Variants in OXSR1 observed in about 807,000 individuals in gnomAD.
The protein encoded by OXSR1 is oxidative stress responsive kinase 1, also known as serine/threonine-protein kinase OSR1.
A neutral mutation model predicts 79.8 loss-of-function variants in OXSR1; 24 were observed. That is an observed-to-expected ratio of 0.30 (90% CI 0.22 to 0.42). The LOEUF is 0.42. Ranked by LOEUF, OXSR1 falls within the 10% of genes least tolerant of loss-of-function variation. The pLI is 1.00. For missense variants in OXSR1, 430 were observed against 618.4 expected (o/e 0.70, Z 3.23); for synonymous variants, 226 against 209.2 (o/e 1.08, Z -0.69).
intron 2 of OXSR1, among the ~76,000 whole-genome samples, chr3:38,187,070 A>T (rs755533703): frequency 6.6e-6 from 1 of 152,208 alleles, no homozygotes; most frequent in Admixed American, 6.5e-5. Context: ...AGTGGCAAAG[A>T]GACTAGTTGG....
intron 1 of OXSR1, among the ~76,000 whole-genome samples, chr3:38,182,678 C>A (rs1018844926): frequency 6.6e-6 from 1 of 152,088 alleles, no homozygotes; most frequent in Non-Finnish European, 1.5e-5. Context: ...TCAGAGCCCT[C>A]TTATGATTGT....
intron 3 of OXSR1, among the ~76,000 whole-genome samples, chr3:38,193,632 A>C (rs1387802332): frequency 7.8e-6 from 1 of 128,710 alleles, no homozygotes; most frequent in Non-Finnish European, 1.7e-5. Flanking sequence ...TTTTTTTTTT[A>C]AGAATTCCTG....
At chr3:38,171,320 A>C (rs1041796789) in intron 1 of OXSR1, among the ~76,000 whole-genome samples, 1 of 152,262 alleles carries the variant, frequency 6.6e-6, no homozygotes, top group African/African-American at 2.4e-5. Flanking sequence ...TATAGTCTTC[A>C]AAATGAATCT....
intron 10 of OXSR1, chr3:38,230,832 T>C (rs1702789948): frequency 5.8e-6 from 1 of 172,336 alleles, no homozygotes; most frequent in African/African-American, 2.4e-5. Flanking sequence ...ATGTAATTTC[T>C]AAGAAGTTTG....
intron 3 of OXSR1, among the ~76,000 whole-genome samples, chr3:38,196,334 A>T (rs1702071941): frequency 6.6e-6 from 1 of 152,012 alleles, no homozygotes; most frequent in Non-Finnish European, 1.5e-5. Context: ...AGGATGGAGG[A>T]TTATAAACAC....
intron 4 of OXSR1, among the ~76,000 whole-genome samples, chr3:38,207,528 A>G (rs544308001): frequency 1.8e-4 from 28 of 152,314 alleles, no homozygotes; most frequent in Admixed American, 1.1e-3. Flanking sequence ...ACCTGGAGCC[A>G]TTTTTGGTTG....
intron 13 of OXSR1, among the ~76,000 whole-genome samples, chr3:38,247,467 G>A (rs1703165803): frequency 6.6e-6 from 1 of 152,102 alleles, no homozygotes; most frequent in East Asian, 1.9e-4. Context: ...CATTGTGTTG[G>A]ACTTAAACTG....
intron 13 of OXSR1, among the ~76,000 whole-genome samples, chr3:38,247,421 T>C (rs1703164813): frequency 6.6e-6 from 1 of 152,162 alleles, no homozygotes; most frequent in South Asian, 2.1e-4. Flanking sequence ...TGTGGCTATA[T>C]GTGAAATTTC....
intron 4 of OXSR1, among the ~76,000 whole-genome samples, chr3:38,199,612 G>A (rs1378076918): frequency 2.6e-5 from 4 of 152,150 alleles, no homozygotes; most frequent in Non-Finnish European, 4.4e-5. Flanking sequence ...TAAGTGCCCT[G>A]TTTAGGTTTT....
At chr3:38,178,629 T>A (rs1400687186) in intron 1 of OXSR1, among the ~76,000 whole-genome samples, 26 of 142,604 alleles carry the variant, frequency 1.8e-4, no homozygotes, top group African/African-American at 5.4e-4. Flanking sequence ...TATTTTTTTT[T>A]TTTTTTTTTT....
intron 4 of OXSR1, among the ~76,000 whole-genome samples, chr3:38,202,535 A>G (rs1702183496): frequency 6.6e-6 from 1 of 152,188 alleles, no homozygotes; most frequent in Admixed American, 6.5e-5. Context: ...ATGTGCCACC[A>G]TGCCTGGTTG....
intron 16 of OXSR1, 107 bp from the exon 17 acceptor site, chr3:38,252,221 G>C (rs1703272352): frequency 2.5e-6 from 2 of 789,018 alleles, no homozygotes; most frequent in Admixed American, 3.6e-5. Context: ...CTTCCATTTT[G>C]ATTGTACGGA....
intron 16 of OXSR1, among the ~76,000 whole-genome samples, 194 bp downstream of exon 16, chr3:38,251,665 C>G (rs1337769482): frequency 6.6e-6 from 1 of 152,104 alleles, no homozygotes; most frequent in Non-Finnish European, 1.5e-5. Context: ...GCTTTGTGAC[C>G]TCCAATGATG....
At chr3:38,219,899 G>T (rs1033332539) in intron 5 of OXSR1, among the ~76,000 whole-genome samples, 1 of 151,964 alleles carries the variant, frequency 6.6e-6, no homozygotes, top group Non-Finnish European at 1.5e-5. Flanking sequence ...CCTCAAACTC[G>T]TAGGCTCAAG....
chr3:38,231,346 A>G (rs891646653), intron 10 of OXSR1, among the ~76,000 whole-genome samples: 1 of 151,952 alleles, frequency 6.6e-6, no homozygotes, highest in Non-Finnish European at 1.5e-5. Flanking sequence ...AAAAAAAAAA[A>G]GAAAGAAACA....
chr3:38,193,398 G>A (rs1197328842), intron 3 of OXSR1: 2 of 1,287,622 alleles, frequency 1.6e-6, no homozygotes, highest in African/African-American at 3.0e-5. Context: ...CTTTCAGTAT[G>A]GAGAGATATG....
At chr3:38,223,358 T>C (rs556871257) in intron 6 of OXSR1, among the ~76,000 whole-genome samples, 1 of 152,016 alleles carries the variant, frequency 6.6e-6, no homozygotes, top group African/African-American at 2.4e-5. Flanking sequence ...ACTCTTGGCC[T>C]CAAGCCCACC....
chr3:38,245,749 A>G (rs530831288), intron 12 of OXSR1, among the ~76,000 whole-genome samples: 1 of 152,216 alleles, frequency 6.6e-6, no homozygotes, highest in African/African-American at 2.4e-5. Context: ...GCATGAGAGG[A>G]CTTTTTGGGG....
intron 4 of OXSR1, among the ~76,000 whole-genome samples, chr3:38,202,471 C>T (rs777716420): frequency 2.6e-5 from 4 of 152,142 alleles, no homozygotes; most frequent in Admixed American, 1.3e-4. Context: ...GCTCAAACTC[C>T]TGAGCTCAAG....
Sources: gnomAD v4.1 joint callset for allele counts (sites outside exome capture counted in the v4.1 genomes callset) on GRCh38, gnomAD v4.1.1 for gene constraint, MANE v1.5 for transcripts, NCBI Gene and HGNC (gene_info 2026-07-23, HGNC 2026-07-21) for gene names.